Variants in KCNN2 observed in about 807,000 individuals in gnomAD.
KCNN2 encodes the protein small conductance calcium-activated potassium channel protein 2.
Under a neutral mutation model 55.5 loss-of-function variants are expected in KCNN2, and 24 were observed. The observed-to-expected ratio is 0.43, with a 90% confidence interval of 0.31 to 0.61. The LOEUF (loss-of-function observed/expected upper bound fraction) is 0.61, where lower values mean the gene tolerates loss of function less well. Among genes scored for constraint, KCNN2 ranks in the 20% least tolerant of loss-of-function variants. The pLI is 0.08. For synonymous variants in KCNN2, 431 were observed against 336.1 expected, an observed-to-expected ratio of 1.28 and a Z score of -3.09; for missense variants, 754 against 853.6, an observed-to-expected ratio of 0.88 and a Z score of 1.45.
intron 2 of KCNN2, among the ~76,000 whole-genome samples, chr5:114,307,679 T>G (rs1473145893): frequency 1.3e-5 from 2 of 152,194 alleles, no homozygotes; most frequent in African/African-American, 4.8e-5. Flanking sequence ...TTTCTGGAAA[T>G]AGTCAGGGGT....
intron 2 of KCNN2, among the ~76,000 whole-genome samples, chr5:114,279,768 G>A (rs71588749): frequency 0.9 from 135,052 of 150,614 alleles, 60,961 homozygotes; most frequent in East Asian, 0.94. Context: ...ATATGTGTGC[G>A]TGTGTCTTTA....
At chr5:114,105,854 AAGC>A in intron 1 of KCNN2, among the ~76,000 whole-genome samples, 1 of 152,106 alleles carries the variant, frequency 6.6e-6, no homozygotes, top group South Asian at 2.1e-4. Flanking sequence ...GGTTGGTTAA[AAGC>A]AGAATTTGTA....
At chr5:114,493,547 T>C in intron 7 of KCNN2, 75 bp downstream of exon 7, 1 of 1,019,786 alleles carries the variant, frequency 9.8e-7, no homozygotes, top group Non-Finnish European at 1.6e-6. Context: ...ATCATGAATG[T>C]TTCAAGAGGA....
At chr5:114,236,618 C>T (rs1754498252) in intron 2 of KCNN2, among the ~76,000 whole-genome samples, 2 of 152,028 alleles carry the variant, frequency 1.3e-5, no homozygotes, top group African/African-American at 4.8e-5. Flanking sequence ...CATATGTATG[C>T]CCTTCATCTG....
chr5:114,452,102 G>A (rs917790967), intron 3 of KCNN2, among the ~76,000 whole-genome samples: 2 of 152,128 alleles, frequency 1.3e-5, no homozygotes, highest in Non-Finnish European at 2.9e-5. Context: ...AGGAGTGCAA[G>A]GAGGGGACTA....
chr5:114,368,081 C>T (rs934506694), intron 2 of KCNN2, among the ~76,000 whole-genome samples: 3 of 152,034 alleles, frequency 2.0e-5, no homozygotes, highest in South Asian at 2.1e-4. Context: ...ATAGTGGGCC[C>T]TCCATATCCA....
chr5:114,310,284 G>C (rs116426311), intron 2 of KCNN2, among the ~76,000 whole-genome samples: 100 of 152,218 alleles, frequency 6.6e-4, no homozygotes, highest in African/African-American at 2.3e-3. Flanking sequence ...AGAAACCACA[G>C]TGCTCCCGCC....
At chr5:114,456,981 GACA>G (rs1266488447) in intron 3 of KCNN2, among the ~76,000 whole-genome samples, 2 of 152,176 alleles carry the variant, frequency 1.3e-5, no homozygotes, top group African/African-American at 4.8e-5. Context: ...TTGTTGAAAT[GACA>G]ACAAAGACTT....
intron 1 of KCNN2, among the ~76,000 whole-genome samples, chr5:114,152,646 C>T (rs1291530860): frequency 3.9e-5 from 6 of 152,058 alleles, no homozygotes; most frequent in Middle Eastern, 3.4e-3. Context: ...TAGTTTCTAC[C>T]CTGATAGAGA....
At chr5:114,431,869 C>G (rs1759807166) in intron 3 of KCNN2, among the ~76,000 whole-genome samples, 1 of 152,000 alleles carries the variant, frequency 6.6e-6, no homozygotes, top group Non-Finnish European at 1.5e-5. Flanking sequence ...TGTTTAGTGT[C>G]CAGGTATTTG....
chr5:114,483,334 G>C (rs1580913514), intron 5 of KCNN2, among the ~76,000 whole-genome samples: 2 of 148,278 alleles, frequency 1.3e-5, no homozygotes, highest in East Asian at 4.1e-4. Context: ...GAGCACAGCA[G>C]CGTGATCTCG....
At chr5:114,412,178 G>C (rs1759156558) in intron 3 of KCNN2, among the ~76,000 whole-genome samples, 1 of 152,104 alleles carries the variant, frequency 6.6e-6, no homozygotes, top group Non-Finnish European at 1.5e-5. Flanking sequence ...TATGTAATTT[G>C]GGGTCCCACT....
intron 2 of KCNN2, among the ~76,000 whole-genome samples, chr5:114,222,341 T>G (rs887844512): frequency 2.6e-5 from 4 of 152,168 alleles, no homozygotes; most frequent in Non-Finnish European, 5.9e-5. Flanking sequence ...CTCAAAGATA[T>G]TTTTTTGATA....
At chr5:114,080,270 T>C (rs566352040) in intron 1 of KCNN2, among the ~76,000 whole-genome samples, 4 of 152,192 alleles carry the variant, frequency 2.6e-5, no homozygotes, top group South Asian at 2.1e-4. Context: ...GTAGAACTTA[T>C]TGCACATTCC....
chr5:114,410,915 A>G (rs1369796578), intron 3 of KCNN2, among the ~76,000 whole-genome samples: 1 of 152,232 alleles, frequency 6.6e-6, no homozygotes, highest in Non-Finnish European at 1.5e-5. Context: ...TCTAAAAATG[A>G]CTTAACAATA....
intron 3 of KCNN2, among the ~76,000 whole-genome samples, chr5:114,412,511 A>G (rs1411252987): frequency 6.6e-6 from 1 of 152,234 alleles, no homozygotes; most frequent in Non-Finnish European, 1.5e-5. Flanking sequence ...ATCTGTTTAT[A>G]TAACATAAGC....
At chr5:114,202,496 A>AATAT (rs10555014) in intron 1 of KCNN2, among the ~76,000 whole-genome samples, 135 of 139,936 alleles carry the variant, frequency 9.6e-4, no homozygotes, top group African/African-American at 3.2e-3. Context: ...CTTCATGCCT[A>AATAT]ATATATATAT....
In KCNN2 at chr5:114,443,378, T is replaced by C. The variant is rs1355950789; in HGVS notation, c.1638-19671T>C. On this transcript the variant is annotated intron_variant, in intron 3 of 7. Coordinates refer to ENST00000673685, the MANE Select transcript of KCNN2 (RefSeq NM_021614.4). ...TACAGTACTAACAGTTGATTTAAAATTTTTCTGCTTCAGTGGAAGACTTGT... is the reference window on the plus strand; with the variant it reads ...TACAGTACTAACAGTTGATTTAAAACTTTTCTGCTTCAGTGGAAGACTTGT... 2.0e-5 allele frequency among the ~76,000 whole-genome samples: 3 copies of C among 152,240 alleles called. No homozygotes were observed. In the East Asian group the frequency reaches 5.8e-4, roughly 29 times the overall value.
Position 114,269,070 on chromosome 5 carries a change from A to G in KCNN2, c.-185+47505A>G, listed in dbSNP as rs1237511670. On this transcript the variant is annotated intron_variant, in intron 2 of 10. Transcript: ENST00000512097. ...AAGTCCTTCTCCAAGCTATCATTAC[A>G]TGATACCACTTCACACACAGGGCGC... 1.3e-5 allele frequency among the ~76,000 whole-genome samples: 2 copies of G among 152,084 alleles called. 1 individual carries two copies. The highest frequency in any genetic ancestry group is 3.9e-4 in the East Asian group (2 of 5,168).
Sources: gnomAD v4.1 joint callset for allele counts (sites outside exome capture counted in the v4.1 genomes callset) on GRCh38, gnomAD v4.1.1 for gene constraint, MANE v1.5 for transcripts, NCBI Gene and HGNC (gene_info 2026-07-23, HGNC 2026-07-21) for gene names.